The following LRRFIP2 variants were observed in gnomAD, a reference collection of about 807,000 sequenced individuals.
LRRFIP2 encodes the protein leucine-rich repeat flightless-interacting protein 2.
A neutral mutation model predicts 125.9 loss-of-function variants in LRRFIP2; 109 were observed. The observed-to-expected ratio is 0.87, with a 90% CI of 0.74 to 1.01. The LOEUF (loss-of-function observed/expected upper bound fraction) is 1.01. Ranked by LOEUF, LRRFIP2 falls within the 50% of genes least tolerant of loss-of-function variation. LRRFIP2 has a pLI of 0.00. For missense variants in LRRFIP2, 850 were observed against 862.3 expected (o/e 0.99, Z 0.18); for synonymous variants, 291 against 293.1 (o/e 0.99, Z 0.07).
At chr3:37,065,510 C>G (rs564496265) in intron 23 of LRRFIP2, 1 of 523,804 alleles carries the variant, frequency 1.9e-6, no homozygotes, top group African/African-American at 1.9e-5. Flanking sequence ...CACAGGTATA[C>G]TAGACTATCT....
intron 16 of LRRFIP2, 98 bp from the exon 17 acceptor site, chr3:37,095,006 G>T: frequency 1.3e-6 from 1 of 768,346 alleles, no homozygotes; most frequent in Non-Finnish European, 2.3e-6. Flanking sequence ...GGAAGATGTG[G>T]GTTTCAGATG....
chr3:37,076,982 G>C (rs533833368), intron 19 of LRRFIP2, among the ~76,000 whole-genome samples: 2 of 152,112 alleles, frequency 1.3e-5, no homozygotes, highest in Non-Finnish European at 2.9e-5. Flanking sequence ...AATATGAAAA[G>C]ATACTCATAC....
Position 37,146,371 on chromosome 3 carries a change from C to T in LRRFIP2, c.90+2523G>A, listed in dbSNP as rs151211527. On this transcript the variant is annotated intron_variant, in intron 2 of 27. Transcript: ENST00000336686. ...TGCAGGTTTGTTACATAGGTAAACACGTGTCATGATGGTTTGCTGTACCTA... is the reference window on the plus strand; with the variant it reads ...TGCAGGTTTGTTACATAGGTAAACATGTGTCATGATGGTTTGCTGTACCTA... 1.4e-4 allele frequency among the ~76,000 whole-genome samples: 22 copies of T among 152,150 alleles called. No homozygotes were observed. In the East Asian group the frequency reaches 2.7e-3, roughly 19 times the overall value.
intron 1 of LRRFIP2, among the ~76,000 whole-genome samples, chr3:37,151,264 G>A (rs777787775): frequency 2.6e-5 from 4 of 151,908 alleles, no homozygotes; most frequent in African/African-American, 7.3e-5. Context: ...GAGGCTGAGG[G>A]AGGAGAATCG....
Position 37,108,063 on chromosome 3 carries a change from G to T in LRRFIP2, c.714+10C>A. 6.2e-7 allele frequency: 1 copy of T among 1,612,588 alleles called. No homozygotes were observed. Among genetic ancestry groups the T allele is most frequent in the South Asian group, 1.1e-5 (1 of 91,020 alleles). ...ATTTCTACAAAGCATGCAGAGACTA[G>T]ACAGCTCACCCCTGGACTGCTTCGG... On this transcript the variant is annotated intron_variant, in intron 13 of 27. Transcript: ENST00000336686.
At chr3:37,107,394 T>C (rs2094381272) in intron 13 of LRRFIP2, among the ~76,000 whole-genome samples, 2 of 152,232 alleles carry the variant, frequency 1.3e-5, no homozygotes, top group South Asian at 2.1e-4. Flanking sequence ...AAAGCTACTT[T>C]AAATAAAGAA....
chr3:37,169,972 G>C (rs2096563392), intron 1 of LRRFIP2, among the ~76,000 whole-genome samples: 1 of 152,008 alleles, frequency 6.6e-6, no homozygotes, highest in South Asian at 2.1e-4. Context: ...TCCCGAGGAG[G>C]AAAGGAAGGC....
chr3:37,136,892 T>C lies in LRRFIP2; in HGVS notation c.91-7743A>G, dbSNP rs530719210. 5.3e-4 allele frequency among the ~76,000 whole-genome samples: 79 copies of C among 148,124 alleles called. 1 individual carries two copies. The South Asian group carries it at 0.016, about 30-fold the overall frequency. On this transcript the variant is annotated intron_variant, in intron 2 of 27. Coordinates refer to ENST00000336686, the MANE Select transcript of LRRFIP2 (RefSeq NM_006309.4). ...CAATAGAAAACCCAAACTATTCAGA[T>C]AATATATCTACCATGGTTTGACCAC...
intron 2 of LRRFIP2, among the ~76,000 whole-genome samples, chr3:37,136,322 T>C (rs1206964245): frequency 6.6e-6 from 1 of 152,158 alleles, no homozygotes; most frequent in Non-Finnish European, 1.5e-5. Context: ...GGTATGAGGT[T>C]TCTTTTTGGG....
At chr3:37,081,557 C>T (rs563891108) in intron 19 of LRRFIP2, among the ~76,000 whole-genome samples, 1 of 130,602 alleles carries the variant, frequency 7.7e-6, no homozygotes, top group African/African-American at 2.6e-5. Flanking sequence ...AGCAAATTTC[C>T]AGGGTATTAA....
chr3:37,167,334 T>A (rs1222898674), intron 1 of LRRFIP2, among the ~76,000 whole-genome samples: 1 of 151,770 alleles, frequency 6.6e-6, no homozygotes, highest in Admixed American at 6.6e-5. Flanking sequence ...TTAAAAATAA[T>A]CGATTTTTTT....
intron 21 of LRRFIP2, among the ~76,000 whole-genome samples, chr3:37,070,760 C>A (rs2091048482): frequency 2.6e-5 from 4 of 151,888 alleles, no homozygotes; most frequent in African/African-American, 7.3e-5. Flanking sequence ...AAATATTTTC[C>A]AATTAAAAGC....
At chr3:37,114,160 A>C (rs966940890) in intron 7 of LRRFIP2, among the ~76,000 whole-genome samples, 1 of 151,942 alleles carries the variant, frequency 6.6e-6, no homozygotes, top group Non-Finnish European at 1.5e-5. Flanking sequence ...TGAATATTTT[A>C]AGAGATGTCT....
At chr3:37,148,779 T>C (rs112952551) in intron 2 of LRRFIP2, 115 bp downstream of exon 2, 1 of 1,079,762 alleles carries the variant, frequency 9.3e-7, no homozygotes, top group Non-Finnish European at 1.3e-6. Context: ...AACATCTTGC[T>C]CATAATAAAC....
intron 2 of LRRFIP2, among the ~76,000 whole-genome samples, chr3:37,137,992 C>T (rs1326436661): frequency 2.0e-5 from 3 of 152,194 alleles, no homozygotes; most frequent in African/African-American, 7.2e-5. Context: ...TCCAAATAGG[C>T]TCTTTGTACT....
chr3:37,150,074 G>A (rs574109524), intron 1 of LRRFIP2, among the ~76,000 whole-genome samples: 1 of 152,104 alleles, frequency 6.6e-6, no homozygotes, highest in Non-Finnish European at 1.5e-5. Flanking sequence ...TTATTACTCT[G>A]CAATTAACAA....
intron 2 of LRRFIP2, among the ~76,000 whole-genome samples, chr3:37,135,373 C>T (rs533917037): frequency 4.0e-5 from 6 of 151,466 alleles, no homozygotes; most frequent in Admixed American, 6.6e-5. Context: ...GCAGGGGAAT[C>T]GCTTCACCCA....
At position 37,091,986 on chromosome 3, in the gene LRRFIP2, T is replaced by A. The variant is rs541176076; in HGVS notation, c.1036-448A>T. On this transcript the variant is annotated intron_variant, in intron 17 of 27. Coordinates refer to ENST00000336686, the MANE Select transcript of LRRFIP2 (RefSeq NM_006309.4). ...TTTAATGATTCATGCAAAAGTTTTTTAAAAATATAATAAATGAATATGAAC... is the reference window on the plus strand; with the variant it reads ...TTTAATGATTCATGCAAAAGTTTTTAAAAAATATAATAAATGAATATGAAC... Among the ~76,000 whole-genome samples the A allele has an allele frequency of 5.9e-5, 9 of 152,330 alleles. No homozygotes were observed. The East Asian group carries it at 7.7e-4, about 13-fold the overall frequency.
At chr3:37,111,650 T>A (rs1367220738) in intron 8 of LRRFIP2, among the ~76,000 whole-genome samples, 1 of 152,186 alleles carries the variant, frequency 6.6e-6, no homozygotes, top group Non-Finnish European at 1.5e-5. Flanking sequence ...TCTAGCCAAC[T>A]TTTTTACTCA....
Sources: gnomAD v4.1 joint callset for allele counts (sites outside exome capture counted in the v4.1 genomes callset) on GRCh38, gnomAD v4.1.1 for gene constraint, MANE v1.5 for transcripts, NCBI Gene and HGNC (gene_info 2026-07-23, HGNC 2026-07-21) for gene names.